The following RAPGEF2 variants were observed in gnomAD, a reference collection of about 807,000 sequenced individuals.
The protein encoded by RAPGEF2 is Rap guanine nucleotide exchange factor 2.
Under a neutral mutation model 186.7 loss-of-function variants are expected in RAPGEF2, and 54 were observed. That is an observed-to-expected ratio of 0.29 (90% CI 0.23 to 0.36). The LOEUF (loss-of-function observed/expected upper bound fraction) is 0.36. Ranked by LOEUF, RAPGEF2 falls within the 10% of genes least tolerant of loss-of-function variation. The pLI, the probability that RAPGEF2 is intolerant of heterozygous loss-of-function variation, is 1.00. For missense variants in RAPGEF2, 1,532 were observed against 2,045.0 expected (o/e 0.75, Z 4.84); for synonymous variants, 712 against 705.9 (o/e 1.01, Z -0.14).
intron 1 of RAPGEF2, among the ~76,000 whole-genome samples, chr4:159,107,782 G>A (rs1255079324): frequency 6.6e-6 from 1 of 152,116 alleles, no homozygotes; most frequent in Non-Finnish European, 1.5e-5. Context: ...TATGAGAAAC[G>A]GCATGAAAGA....
chr4:159,139,617 T>A (rs2111158962), intron 1 of RAPGEF2, among the ~76,000 whole-genome samples: 1 of 152,178 alleles, frequency 6.6e-6, no homozygotes, highest in South Asian at 2.1e-4. Context: ...TCCTTAAAGG[T>A]TGTTTTGGTA....
intron 1 of RAPGEF2, among the ~76,000 whole-genome samples, chr4:159,124,434 G>T (rs371189718): frequency 3.9e-5 from 6 of 152,156 alleles, no homozygotes; most frequent in Non-Finnish European, 8.8e-5. Context: ...AGCTACTCGG[G>T]AAGCTGAGGC....
intron 8 of RAPGEF2, among the ~76,000 whole-genome samples, chr4:159,306,356 G>A (rs554263668): frequency 5.3e-5 from 8 of 151,960 alleles, no homozygotes; most frequent in East Asian, 3.9e-4. Context: ...CTCCTTGGTC[G>A]AATATATTCT....
At chr4:159,300,165 T>A (rs1762481100) in intron 7 of RAPGEF2, among the ~76,000 whole-genome samples, 1 of 151,178 alleles carries the variant, frequency 6.6e-6, no homozygotes, top group Non-Finnish European at 1.5e-5. Context: ...ATACTTTATG[T>A]AAGTATTACT....
chr4:159,353,600 C>A lies in RAPGEF2; in HGVS notation c.4205C>A (p.Ala1402Asp). The change falls in exon 28 of 30, where the codon GCT becomes GAT. Residue 1402 changes from alanine (A) to aspartate (D), a missense_variant. Transcript: ENST00000691494. This position sits in a 1 kb window ranked among gnomAD's most constrained non-coding sequence, Gnocchi z 4.3. ...CAGGGGGATCGCGCGTCACTTGATG[C>A]TGCTGACAGTGGCCGTGGGAGCTGG... ...QDQGDRASLD[A>D]ADSGRGSWTS... 1.3e-6 allele frequency: 2 copies of A among 1,596,414 alleles called. No homozygotes were observed. The highest frequency in any genetic ancestry group is 1.7e-6 in the Non-Finnish European group (2 of 1,173,150).
intron 7 of RAPGEF2, among the ~76,000 whole-genome samples, chr4:159,273,179 T>A (rs1232751915): frequency 6.6e-6 from 1 of 152,238 alleles, no homozygotes; most frequent in Non-Finnish European, 1.5e-5. Flanking sequence ...AACTTATCTC[T>A]TGGCATGATT....
At position 159,346,989 on chromosome 4, in the gene RAPGEF2, C is replaced by T. The variant is rs370917241; in HGVS notation, c.3703C>T (p.Pro1235Ser). Residue 1235 changes from proline (P) to serine (S), a missense_variant, in exon 25 of 30, where the codon CCA (proline) becomes TCA (serine). Physicochemically the swap from Pro to Ser is moderately conservative, Grantham distance 74. Transcript: ENST00000691494. ...SRKKVPVKDLPPFGINSPQAL... is the reference protein window; with the variant it reads ...SRKKVPVKDLSPFGINSPQAL... Reference sequence around the variant, plus strand: ...GAAGAAAGTGCCCGTAAAGGATCTCCCACCTTTTGGTAAGTGATTACATTC... The same window carrying T: ...GAAGAAAGTGCCCGTAAAGGATCTCTCACCTTTTGGTAAGTGATTACATTC... 1.3e-5 allele frequency: 21 copies of T among 1,612,556 alleles called. 1 individual carries two copies. In the African/African-American group the frequency reaches 1.5e-4, roughly 11 times the overall value.
At chr4:159,172,121 A>G (rs1192583762) in intron 1 of RAPGEF2, among the ~76,000 whole-genome samples, 3 of 152,204 alleles carry the variant, frequency 2.0e-5, no homozygotes, top group Admixed American at 6.5e-5. Flanking sequence ...ATTGTCCTTA[A>G]TCTCTCATTT....
chr4:159,358,263 C>A lies in RAPGEF2; in HGVS notation c.*124C>A. 3 of 903,320 alleles carry A rather than the reference C, an allele frequency of 3.3e-6. No homozygotes were observed. The highest frequency in any genetic ancestry group is 2.6e-5 in the East Asian group (1 of 38,046). The allele number at this position is 903,320 out of a possible 1,614,324, so 56.0% of individuals were successfully genotyped here. On this transcript the variant is annotated 3_prime_UTR_variant, in exon 30 of 30. Coordinates refer to ENST00000691494, the MANE Select transcript of RAPGEF2 (RefSeq NM_001394067.2). The stretch of plus-strand genomic sequence containing the variant: ...TGGACCAGTTTGCCTCCTTCCCTGC[C>A]TTAAAAGCAGCATGGGGCTTCTTCT...
intron 4 of RAPGEF2, among the ~76,000 whole-genome samples, chr4:159,223,397 G>A (rs1751722996): frequency 6.6e-6 from 1 of 152,034 alleles, no homozygotes; most frequent in Admixed American, 6.5e-5. Flanking sequence ...ACCTTTTCAT[G>A]TTTTACAACT....
At chr4:159,248,834 T>G (rs1358114791) in intron 7 of RAPGEF2, among the ~76,000 whole-genome samples, 2 of 152,256 alleles carry the variant, frequency 1.3e-5, no homozygotes, top group Non-Finnish European at 2.9e-5. Flanking sequence ...AAGAATGGTA[T>G]GCAGTGTGCT....
intron 1 of RAPGEF2, among the ~76,000 whole-genome samples, chr4:159,183,622 T>C (rs547468904): frequency 2.0e-5 from 3 of 152,302 alleles, no homozygotes; most frequent in South Asian, 4.1e-4. Flanking sequence ...AGATGGTCCA[T>C]GGAATGGGAG....
At chr4:159,150,743 A>T (rs559074432) in intron 1 of RAPGEF2, among the ~76,000 whole-genome samples, 4 of 152,354 alleles carry the variant, frequency 2.6e-5, no homozygotes, top group African/African-American at 9.6e-5. Flanking sequence ...TTCGAGTTAC[A>T]AATAAATTTT....
At chr4:159,331,388 TG>T in intron 13 of RAPGEF2, 42 bp from the exon 14 acceptor site, 1 of 1,197,422 alleles carries the variant, frequency 8.4e-7, no homozygotes, top group Non-Finnish European at 1.2e-6. Flanking sequence ...ATCACATTTT[TG>T]GCACTAAAAA....
intron 7 of RAPGEF2, among the ~76,000 whole-genome samples, chr4:159,263,556 G>A (rs1204290476): frequency 6.6e-6 from 1 of 152,144 alleles, no homozygotes; most frequent in East Asian, 1.9e-4. Context: ...ATTAAGTGAA[G>A]TAAGTGGTAT....
In RAPGEF2 at chr4:159,359,446, A is replaced by G. The variant is rs1209528178; in HGVS notation, c.*1307A>G. On this transcript the variant is annotated 3_prime_UTR_variant, in exon 30 of 30. Coordinates refer to ENST00000691494, the MANE Select transcript of RAPGEF2 (RefSeq NM_001394067.2). ...TAGCAACCATCTGCTCACAGCTGCT[A>G]TTAACCCTATAATGACTGAAATGAC... The G allele has an allele frequency of 6.6e-6, 1 of 152,194 alleles. No homozygotes were observed. Among genetic ancestry groups the G allele is most frequent in the African/African-American group, 2.4e-5 (1 of 41,452 alleles). 9.4% of individuals were successfully genotyped at this position (152,194 alleles called of 1,614,324 possible).
chr4:159,169,523 A>C (rs1745677097), intron 1 of RAPGEF2, among the ~76,000 whole-genome samples: 1 of 152,108 alleles, frequency 6.6e-6, no homozygotes, highest in Admixed American at 6.6e-5. Context: ...TGTACATTAG[A>C]GCTCTTGAAC....
chr4:159,311,946 G>A (rs1376875005), intron 8 of RAPGEF2, among the ~76,000 whole-genome samples: 4 of 152,084 alleles, frequency 2.6e-5, no homozygotes. Flanking sequence ...GTTATTTTAT[G>A]AATAGTTTGT....
At position 159,343,153 on chromosome 4, in the gene RAPGEF2, C is replaced by A; in HGVS notation, c.3093C>A (p.Phe1031Leu). Residue 1031 changes from phenylalanine to leucine, a missense_variant, in exon 21 of 30, where the codon TTC becomes TTA. Phe to Leu is a conservative substitution (Grantham distance 22). Transcript: ENST00000691494. ...QNLQPPIIPL[F>L]PVIKKDLTFL... is the part of the protein sequence containing the mutation. The stretch of plus-strand genomic sequence containing the variant: ...TACAACCTCCCATAATCCCTCTATT[C>A]CCAGTTATCAAAAAGGATCTCACCT... 6.2e-7 allele frequency: 1 copy of A among 1,614,096 alleles called. No homozygotes were observed. Among genetic ancestry groups the A allele is most frequent in the Non-Finnish European group, 8.5e-7 (1 of 1,179,958 alleles).
Sources: gnomAD v4.1 joint callset for allele counts (sites outside exome capture counted in the v4.1 genomes callset) on GRCh38, gnomAD v4.1.1 for gene constraint, Gnocchi (gnomAD v3.1) non-coding constraint, MANE v1.5 for transcripts, NCBI Gene and HGNC (gene_info 2026-07-23, HGNC 2026-07-21) for gene names.